CERK: variants seen among roughly 807,000 people sequenced by gnomAD.
CERK encodes the protein acylsphingosine kinase.
CERK carries 39 observed loss-of-function variants against 63.4 expected under a neutral mutation model. The observed-to-expected ratio is 0.61, with a 90% CI of 0.48 to 0.80. The LOEUF (loss-of-function observed/expected upper bound fraction) is 0.80, where lower values mean the gene tolerates loss of function less well. CERK is among the 30% of genes least tolerant of loss of function. The probability of loss-of-function intolerance (pLI) is 0.00; values close to 1 mark genes in which losing one functional copy is unlikely to be tolerated. For missense variants in CERK, 670 were observed against 714.1 expected (o/e 0.94, Z 0.70); for synonymous variants, 302 against 280.0 (o/e 1.08, Z -0.78).
chr22:46,686,829 C>A lies in CERK; in HGVS notation c.*305G>T. ...CCCTAACATTATTGCAATAGAGCCA[C>A]TAACGGGCCATTTTCTAAACTACAC... On this transcript the variant is annotated 3_prime_UTR_variant, in exon 13 of 13. Transcript: ENST00000216264. The A allele has an allele frequency of 3.0e-6, 1 of 335,488 alleles. No homozygotes were observed. The allele number at this position is 335,488 out of a possible 1,614,324, so 20.8% of individuals were successfully genotyped here.
intron 10 of CERK, 136 bp from the exon 11 acceptor site, chr22:46,691,913 G>C (rs1569318658): frequency 3.1e-6 from 2 of 644,658 alleles, no homozygotes; most frequent in Non-Finnish European, 5.3e-6. Flanking sequence ...CGACTCTTCA[G>C]CTCAACACCA....
intron 12 of CERK, 81 bp from the exon 13 acceptor site, chr22:46,687,287 T>TCAG: frequency 1.7e-6 from 1 of 600,612 alleles, no homozygotes; most frequent in Non-Finnish European, 2.5e-6. Flanking sequence ...GGACAGGGGC[T>TCAG]GCAGTAAACC....
At chr22:46,715,659 C>T (rs980458862) in intron 3 of CERK, among the ~76,000 whole-genome samples, 1 of 152,048 alleles carries the variant, frequency 6.6e-6, no homozygotes, top group Non-Finnish European at 1.5e-5. Context: ...GCACTGCAGC[C>T]TGGGTGACAG....
In CERK at chr22:46,712,226, T is replaced by C; in HGVS notation, c.447A>G (p.Ile149Met). 1.9e-6 allele frequency: 3 copies of C among 1,614,144 alleles called. No individual in the cohort carries two copies. The highest frequency in any genetic ancestry group is 2.5e-6 in the Non-Finnish European group (3 of 1,179,962). Reference protein sequence around the residue: ...PFGGKGQGKRIYERKVAPLFT... With the variant: ...PFGGKGQGKRMYERKVAPLFT... ...ACAGTGGTGCCACTTTTCTTTCATA[T>C]ATCCGCTTGCCTTGTCCTTTTCCTC... Residue 149 changes from isoleucine to methionine, a missense_variant, in exon 4 of 13, where the codon ATA becomes ATG. Transcript: ENST00000216264.
chr22:46,690,257 G>T (rs1037329549), intron 11 of CERK, 57 bp from the exon 12 acceptor site: 2 of 1,448,510 alleles, frequency 1.4e-6, no homozygotes, highest in Admixed American at 3.4e-5. Flanking sequence ...TCTGGGTGGG[G>T]CAGCAGAACA....
chr22:46,725,869 G>GCTTCTTTTTCCATT (rs1412339672), intron 1 of CERK, among the ~76,000 whole-genome samples: 1 of 152,330 alleles, frequency 6.6e-6, no homozygotes, highest in East Asian at 1.9e-4. Flanking sequence ...CTGAGAGCAC[G>GCTTCTTTTTCCATT]CTGACTTCCA....
intron 1 of CERK, among the ~76,000 whole-genome samples, chr22:46,737,328 C>A (rs1033630896): frequency 2.7e-5 from 4 of 150,934 alleles, no homozygotes; most frequent in African/African-American, 9.8e-5. Context: ...CAAAAAACAA[C>A]AAAAAACAAA....
chr22:46,720,949 T>C lies in CERK; in HGVS notation c.209A>G (p.Gln70Arg), dbSNP rs768896231. The change falls in exon 2 of 13, where the codon CAA becomes CGA. Residue 70 changes from glutamine (Q) to arginine (R), a missense_variant. Physicochemically the swap from Gln to Arg is conservative, Grantham distance 43. Coordinates refer to ENST00000216264, the MANE Select transcript of CERK (RefSeq NM_022766.6). Reference protein sequence around the residue: ...VEETDVHGKHQGSGKWQKMEK... With the variant: ...VEETDVHGKHRGSGKWQKMEK... ...CATTTTCTGCCATTTTCCACTGCCT[T>C]GATGTTTCCCGTGAACGTCTGTTTC... 3.1e-6 allele frequency: 5 copies of C among 1,613,640 alleles called. No individual in the cohort carries two copies. The highest frequency in any genetic ancestry group is 4.2e-6 in the Non-Finnish European group (5 of 1,179,648).
chr22:46,705,247 GAGT>G (rs2082807464), intron 6 of CERK, among the ~76,000 whole-genome samples: 2 of 152,354 alleles, frequency 1.3e-5, no homozygotes, highest in South Asian at 4.1e-4. Context: ...GATGCAGAGA[GAGT>G]ATGGAAAGAA....
chr22:46,718,148 T>C (rs1215942853), intron 3 of CERK, among the ~76,000 whole-genome samples: 2 of 151,888 alleles, frequency 1.3e-5, no homozygotes, highest in African/African-American at 4.8e-5. Flanking sequence ...AATTGTAGAG[T>C]AGCTGAAACA....
At position 46,685,080 on chromosome 22, in the gene CERK, G is replaced by GT. The variant is rs1400942322; in HGVS notation, c.*2053_*2054insA. 7.3e-6 allele frequency: 1 copy of GT among 137,402 alleles called. No individual in the cohort carries two copies. Among genetic ancestry groups the GT allele is most frequent in the African/African-American group, 3.0e-5 (1 of 33,438 alleles). The allele number at this position is 137,402 out of a possible 1,614,324, so 8.5% of individuals were successfully genotyped here. A position where few individuals can be genotyped will look rare whatever the true frequency, so the allele number is the denominator to read the frequency against. The stretch of plus-strand genomic sequence containing the variant: ...ATGGGAAACTTTTTTTTTTGTTGGG[G>GT]GGGGCGATGGAGTCTCCCTCTGTTT... On this transcript the variant is annotated 3_prime_UTR_variant, in exon 13 of 13. Transcript: ENST00000216264.
intron 11 of CERK, among the ~76,000 whole-genome samples, chr22:46,690,990 T>G (rs1341049185): frequency 7.0e-6 from 1 of 142,034 alleles, no homozygotes; most frequent in Non-Finnish European, 1.5e-5. Context: ...TGTGTGTATA[T>G]GTATGTATGT....
rs774482842 is a variant in CERK, at chr22:46,694,664, C to T, written c.1049+546G>A. Among the ~76,000 whole-genome samples, 25 of 152,292 alleles carry T rather than the reference C, an allele frequency of 1.6e-4. No individual in the cohort carries two copies. The South Asian group carries it at 1.9e-3, about 11-fold the overall frequency. On this transcript the variant is annotated intron_variant, in intron 9 of 12. Coordinates refer to ENST00000216264, the MANE Select transcript of CERK (RefSeq NM_022766.6). The stretch of plus-strand genomic sequence containing the variant: ...CCCTGCCTTCCTGTGGGGTTGAAGG[C>T]GTGGCTGGCCTGGGCTCTGCTAACC...
At chr22:46,695,065 T>C in intron 9 of CERK, 145 bp downstream of exon 9, 2 of 584,468 alleles carry the variant, frequency 3.4e-6, no homozygotes, top group Non-Finnish European at 6.1e-6. Flanking sequence ...TAGGCCATCA[T>C]GGGCATCATA....
chr22:46,716,785 CA>C, intron 3 of CERK, among the ~76,000 whole-genome samples: 1 of 151,220 alleles, frequency 6.6e-6, no homozygotes, highest in African/African-American at 2.4e-5. Context: ...CTAAAAAATA[CA>C]AAAAAACTAG....
intron 10 of CERK, among the ~76,000 whole-genome samples, chr22:46,692,286 C>T (rs1043569891): frequency 2.0e-5 from 3 of 151,682 alleles, no homozygotes; most frequent in Non-Finnish European, 4.4e-5. Context: ...ATTAGCCAGG[C>T]GTGGCGGTGC....
chr22:46,735,045 T>G (rs779518967), intron 1 of CERK: 1 of 151,668 alleles, frequency 6.6e-6, no homozygotes, highest in Admixed American at 6.6e-5. Flanking sequence ...CCCACAAAGG[T>G]AGAGCCTGGG....
intron 1 of CERK, among the ~76,000 whole-genome samples, chr22:46,734,534 A>G (rs2082962646): frequency 6.6e-6 from 1 of 152,252 alleles, no homozygotes; most frequent in Non-Finnish European, 1.5e-5. Flanking sequence ...CCCAGGGCCC[A>G]GGAGAAGGTG....
intron 9 of CERK, among the ~76,000 whole-genome samples, chr22:46,694,274 G>A (rs770349807): frequency 3.9e-5 from 6 of 152,112 alleles, no homozygotes; most frequent in Non-Finnish European, 8.8e-5. Context: ...CGCCCTCCAT[G>A]GTCACTAGGG....
Sources: allele counts gnomAD v4.1 joint callset (sites outside exome capture counted in the v4.1 genomes callset), GRCh38; gene constraint gnomAD v4.1.1; transcripts MANE v1.5; gene names NCBI Gene and HGNC (gene_info 2026-07-23, HGNC 2026-07-21).